Variants in HCN4 observed in about 807,000 individuals in gnomAD.
HCN4 encodes potassium/sodium hyperpolarization-activated cyclic nucleotide-gated channel 4.
In HCN4, 29 loss-of-function variants were observed where a neutral mutation model predicts 76.9. That is an observed-to-expected ratio of 0.38 (90% CI 0.28 to 0.51). The LOEUF is 0.51. Ranked by LOEUF, HCN4 falls within the 20% of genes least tolerant of loss-of-function variation. The pLI is 0.90. For missense variants in HCN4, 1,416 were observed against 1,715.2 expected, an observed-to-expected ratio of 0.83 and a Z score of 3.08; for synonymous variants, 772 against 762.5, an observed-to-expected ratio of 1.01 and a Z score of -0.21.
chr15:73,327,221 C>G (rs1162549366), intron 4 of HCN4, among the ~76,000 whole-genome samples: 2 of 151,868 alleles, frequency 1.3e-5, no homozygotes, highest in South Asian at 4.2e-4. Flanking sequence ...ATTCTCCTGC[C>G]TCAGCCTCCC....
intron 4 of HCN4, among the ~76,000 whole-genome samples, chr15:73,326,879 T>TG (rs201690443): frequency 0.017 from 2,616 of 151,752 alleles, 50 homozygotes; most frequent in East Asian, 0.05. Context: ...CTCAACCTCC[T>TG]GGGCTCAAGC....
chr15:73,359,709 G>C (rs2043096761), intron 1 of HCN4, among the ~76,000 whole-genome samples: 1 of 152,182 alleles, frequency 6.6e-6, no homozygotes, highest in Non-Finnish European at 1.5e-5. Context: ...ACCATTGTCA[G>C]AAGCTGAGTT....
intron 1 of HCN4, among the ~76,000 whole-genome samples, chr15:73,351,808 C>A (rs1183141360): frequency 6.6e-6 from 1 of 152,206 alleles, no homozygotes; most frequent in African/African-American, 2.4e-5. Context: ...CTGGACTCTG[C>A]CTCCTTCTCC....
At chr15:73,357,749 A>T (rs1364700690) in intron 1 of HCN4, among the ~76,000 whole-genome samples, 1 of 152,034 alleles carries the variant, frequency 6.6e-6, no homozygotes, top group Non-Finnish European at 1.5e-5. Flanking sequence ...CGTGCCAGGA[A>T]GACCCCCAGC....
rs201319883 is a variant in HCN4, at chr15:73,325,093, C to T, written c.1840G>A (p.Glu614Lys). The change falls in exon 6 of 8, where the codon GAG becomes AAG. Residue 614 changes from glutamate to lysine, a missense_variant. Physicochemically the swap from Glu to Lys is moderately conservative, Grantham distance 56. Around this residue, in one of 6 missense-constraint regions of HCN4, gnomAD observed 241 missense variants for 379.4 expected, o/e 0.64. Transcript: ENST00000261917. This position sits in a 1 kb window ranked among gnomAD's most constrained non-coding sequence, Gnocchi z 7.4. ...VTSMLTKLRF[E>K]VFQPGDYIIR... ...ATGTAGTCCCCAGGCTGGAAGACCTCGAAACGCAGCTTGGTCAGCATGGAC... is the reference window on the plus strand; with the variant it reads ...ATGTAGTCCCCAGGCTGGAAGACCTTGAAACGCAGCTTGGTCAGCATGGAC... 2.8e-5 allele frequency: 46 copies of T among 1,614,118 alleles called. No individual in the cohort carries two copies. The highest frequency in any genetic ancestry group is 3.6e-5 in the Non-Finnish European group (43 of 1,180,052).
At chr15:73,350,721 T>G (rs1268285353) in intron 1 of HCN4, among the ~76,000 whole-genome samples, 1 of 152,126 alleles carries the variant, frequency 6.6e-6, no homozygotes, top group Non-Finnish European at 1.5e-5. Flanking sequence ...TACCTGCCCT[T>G]TTGATACCAT....
chr15:73,323,251 CCCCGGGT>C lies in HCN4; in HGVS notation c.2835_2841del (p.Ala948GlufsTer35). The C allele has an allele frequency of 6.6e-7, 1 of 1,523,442 alleles. No homozygotes were observed. Among genetic ancestry groups the C allele is most frequent in the Non-Finnish European group, 8.8e-7 (1 of 1,135,508 alleles). The allele number at this position is 1,523,442 out of a possible 1,614,324, so 94.4% of individuals were successfully genotyped here. A position where few individuals can be genotyped will look rare whatever the true frequency, so the allele number is the denominator to read the frequency against. On this transcript the variant is annotated frameshift_variant, in exon 8 of 8. Coordinates refer to ENST00000261917, the MANE Select transcript of HCN4 (RefSeq NM_005477.3). LOFTEE classifies it high-confidence loss of function. Reference sequence around the variant, plus strand: ...TCCGGGAGTCCCAGGCCTCCCCGGGCCCCGGGTGGCGCGGGAGATGGCTGGGCAGCCT... The same window carrying C: ...TCCGGGAGTCCCAGGCCTCCCCGGGCGGCGCGGGAGATGGCTGGGCAGCCT...
In HCN4 at chr15:73,322,440, G is replaced by T; in HGVS notation, c.*41C>A. Reference sequence around the variant, plus strand: ...CAGTTAAACCTGAAGGAAGAAGGAAGGGAGAGAAAAGAAGAAAGAAGAGGG... The same window carrying T: ...CAGTTAAACCTGAAGGAAGAAGGAATGGAGAGAAAAGAAGAAAGAAGAGGG... On this transcript the variant is annotated 3_prime_UTR_variant, in exon 8 of 8. Coordinates refer to ENST00000261917, the MANE Select transcript of HCN4 (RefSeq NM_005477.3). The T allele has an allele frequency of 6.9e-7, 1 of 1,452,012 alleles. No individual in the cohort carries two copies. The highest frequency in any genetic ancestry group is 1.2e-5 in the South Asian group (1 of 82,208). 89.9% of individuals were successfully genotyped at this position (1,452,012 alleles called of 1,614,324 possible).
rs139590882 is a variant in HCN4, at chr15:73,329,645, G to A, written c.1518C>T (p.Tyr506=). The A allele has an allele frequency of 2.0e-3, 3,269 of 1,614,194 alleles. 15 individuals are homozygous for A. Among genetic ancestry groups the A allele is most frequent in the Admixed American group, 2.2e-3 (135 of 60,036 alleles). ...MLSMIVGATC[Y]AMFIGHATAL... is the part of the protein sequence containing the mutation. Reference sequence around the variant, plus strand: ...CAGTGGCGTGGCCAATGAACATGGCGTAGCAGGTGGCACCCACGATCATGC... The same window carrying A: ...CAGTGGCGTGGCCAATGAACATGGCATAGCAGGTGGCACCCACGATCATGC... Residue 506 remains tyrosine, a synonymous_variant, in exon 4 of 8, where the codon TAC becomes TAT. Transcript: ENST00000261917.
intron 2 of HCN4, chr15:73,335,745 T>C (rs2623998): frequency 0.6 from 91,736 of 152,206 alleles, 30,553 homozygotes; most frequent in Non-Finnish European, 0.74. Flanking sequence ...GAGGTGTCTG[T>C]GCCAGGAATG....
chr15:73,323,539 G>C lies in HCN4; in HGVS notation c.2554C>G (p.Pro852Ala). The C allele has an allele frequency of 6.2e-7, 1 of 1,601,032 alleles. No homozygotes were observed. The highest frequency in any genetic ancestry group is 1.7e-5 in the Admixed American group (1 of 60,012). ...PASSPSQVDT[P>A]SSSSFHIQQL... ...TGGATGTGGAAGGAGGATGAAGACG[G>C]TGTGTCCACCTGGGACGGGCTGCTG... Residue 852 changes from proline to alanine, a missense_variant, in exon 8 of 8, where the codon CCG becomes GCG. Physicochemically the swap from Pro to Ala is conservative, Grantham distance 27. This residue lies in a region of HCN4 where 633 missense variants were observed against 579.8 expected (regional missense o/e 1.09). Coordinates refer to ENST00000261917, the MANE Select transcript of HCN4 (RefSeq NM_005477.3).
rs2043139906 is a variant in HCN4, at chr15:73,368,266, T to A, written c.5A>T (p.Asp2Val). The A allele has an allele frequency of 6.7e-7, 1 of 1,489,054 alleles. No homozygotes were observed. 92.2% of individuals were successfully genotyped at this position (1,489,054 alleles called of 1,614,324 possible). M[D>V]KLPPSMRKRL... is the part of the protein sequence containing the mutation. ...CTTGCGCATGGACGGCGGCAGCTTGTCCATGGCGCCAGGGGCCGGGGTCGG... is the reference window on the plus strand; with the variant it reads ...CTTGCGCATGGACGGCGGCAGCTTGACCATGGCGCCAGGGGCCGGGGTCGG... Residue 2 changes from aspartate (D) to valine (V), a missense_variant, in exon 1 of 8, where the codon GAC becomes GTC. By Grantham distance (152) the Asp-to-Val change is radical (BLOSUM62 -3). Around this residue, in one of 6 missense-constraint regions of HCN4, gnomAD observed 355 missense variants for 347.8 expected, o/e 1.02. Coordinates refer to ENST00000261917, the MANE Select transcript of HCN4 (RefSeq NM_005477.3). The surrounding 1 kb of genome is among the most constrained non-coding windows in gnomAD (Gnocchi z 6.9).
chr15:73,331,004 G>A (rs1161053729), intron 3 of HCN4, among the ~76,000 whole-genome samples: 2 of 152,232 alleles, frequency 1.3e-5, no homozygotes, highest in Non-Finnish European at 2.9e-5. Flanking sequence ...GCTGAAAGAT[G>A]CCTCAGGGTC....
In HCN4 at chr15:73,325,465, C is replaced by T. The variant is rs189590898; in HGVS notation, c.1591-21G>A. The T allele has an allele frequency of 1.9e-3, 3,101 of 1,613,380 alleles. 26 individuals are homozygous for T. The highest frequency in any genetic ancestry group is 0.017 in the South Asian group (1,572 of 91,072). ...TTGTACTGAGGCCGGGAGAAGGGGG[C>T]GTCAGCTCCACCCCACCAGGGGGCG... On this transcript the variant is annotated intron_variant, in intron 4 of 7. Transcript: ENST00000261917. This position sits in a 1 kb window ranked among gnomAD's most constrained non-coding sequence, Gnocchi z 7.4.
Position 73,368,395 on chromosome 15 carries a change from C to T in HCN4, c.-125G>A, listed in dbSNP as rs2043140869. ...TCCTTTGCCGCCGGCGTGGGGGCAG[C>T]CTCAGGCGCCCATGCTTGGGCAGGC... On this transcript the variant is annotated 5_prime_UTR_variant, in exon 1 of 8. Coordinates refer to ENST00000261917, the MANE Select transcript of HCN4 (RefSeq NM_005477.3). The surrounding 1 kb of genome is among the most constrained non-coding windows in gnomAD (Gnocchi z 6.9). 1 of 567,286 alleles carries T rather than the reference C, an allele frequency of 1.8e-6. No homozygotes were observed. Among genetic ancestry groups the T allele is most frequent in the Non-Finnish European group, 2.7e-6 (1 of 372,228 alleles). 35.1% of individuals were successfully genotyped at this position (567,286 alleles called of 1,614,324 possible).
At chr15:73,366,598 C>T (rs955265098) in intron 1 of HCN4, among the ~76,000 whole-genome samples, 2 of 152,176 alleles carry the variant, frequency 1.3e-5, no homozygotes, top group African/African-American at 4.8e-5. Context: ...ACAAATATGC[C>T]CACAAGCTCC....
chr15:73,353,971 G>A (rs1010604329), intron 1 of HCN4, among the ~76,000 whole-genome samples: 1 of 151,022 alleles, frequency 6.6e-6, no homozygotes, highest in Non-Finnish European at 1.5e-5. Context: ...TCCCACCCCC[G>A]CCTGGCCACT....
chr15:73,356,755 G>A (rs2043083107), intron 1 of HCN4, among the ~76,000 whole-genome samples: 2 of 151,978 alleles, frequency 1.3e-5, no homozygotes, highest in Admixed American at 6.5e-5. Context: ...AGGAAGATGA[G>A]TGGGGCCATG....
intron 1 of HCN4, among the ~76,000 whole-genome samples, chr15:73,362,120 G>A (rs1317073887): frequency 2.0e-5 from 3 of 152,196 alleles, no homozygotes; most frequent in East Asian, 1.9e-4. Flanking sequence ...GCCAGCATGC[G>A]GGACCAGCAG....
Sources: gnomAD v4.1 joint callset for allele counts (sites outside exome capture counted in the v4.1 genomes callset) on GRCh38, gnomAD v4.1.1 for gene constraint, gnomAD v4.1.1 regional missense constraint, Gnocchi (gnomAD v3.1) non-coding constraint, MANE v1.5 for transcripts, NCBI Gene and HGNC (gene_info 2026-07-23, HGNC 2026-07-21) for gene names.